The following INTS6L variants were observed in gnomAD, a reference collection of about 807,000 sequenced individuals.
INTS6L encodes integrator complex subunit 6 like, also known as integrator complex subunit 6-like.
Under a neutral mutation model 64.7 loss-of-function variants are expected in INTS6L, and 18 were observed. The observed-to-expected ratio is 0.28, with a 90% CI of 0.19 to 0.41. The LOEUF (loss-of-function observed/expected upper bound fraction) is 0.41. INTS6L is among the 10% of genes least tolerant of loss of function. INTS6L has a pLI of 1.00. For missense variants in INTS6L, 533 were observed against 661.0 expected (o/e 0.81, Z 2.12); for synonymous variants, 227 against 235.9 (o/e 0.96, Z 0.34).
chrX:135,542,368 C>T (rs1820492242), intron 2 of INTS6L, among the ~76,000 whole-genome samples: 2 of 109,997 alleles, frequency 1.8e-5, no homozygotes, highest in Admixed American at 1.9e-4. Context: ...CATGGTGGCA[C>T]ACGCTTGTAG....
intron 9 of INTS6L, among the ~76,000 whole-genome samples, chrX:135,566,865 G>C (rs782743623): frequency 9.0e-6 from 1 of 111,724 alleles, no homozygotes; most frequent in South Asian, 3.7e-4. Flanking sequence ...CTGAGGACTT[G>C]TGTAAAAAAT....
chrX:135,564,244 A>G (rs186650661), intron 9 of INTS6L, among the ~76,000 whole-genome samples: 2 of 110,654 alleles, frequency 1.8e-5, no homozygotes, highest in East Asian at 5.6e-4. Flanking sequence ...GTATTTTTTT[A>G]ATTCTAAAAT....
At chrX:135,532,641 G>T (rs1373470015) in intron 2 of INTS6L, among the ~76,000 whole-genome samples, 1 of 112,236 alleles carries the variant, frequency 8.9e-6, no homozygotes, top group Non-Finnish European at 1.9e-5. Flanking sequence ...CTTTTATGGT[G>T]TCAGTTTCCT....
At chrX:135,560,546 A>G (rs1016315955) in intron 9 of INTS6L, among the ~76,000 whole-genome samples, 7 of 112,255 alleles carry the variant, frequency 6.2e-5, no homozygotes, top group Admixed American at 5.7e-4. Flanking sequence ...TTTCTTCATC[A>G]AGTTGAAGAG....
chrX:135,581,604 A>T lies in INTS6L; in HGVS notation c.2665A>T (p.Ile889Phe). 8.3e-7 allele frequency: 1 copy of T among 1,210,111 alleles called. No homozygotes were observed. Among genetic ancestry groups the T allele is most frequent in the South Asian group, 1.8e-5 (1 of 56,767 alleles). ...KINSHHLHNN[I>F]SHINSRSSC is the part of the protein sequence containing the mutation. ...AAATTCCCACCACCTTCACAACAACATTAGTCACATCAACAGCAGATCATC... is the reference window on the plus strand; with the variant it reads ...AAATTCCCACCACCTTCACAACAACTTTAGTCACATCAACAGCAGATCATC... Residue 889 changes from isoleucine to phenylalanine, a missense_variant, in exon 18 of 18, where the codon ATT becomes TTT. Coordinates refer to ENST00000639893, the MANE Select transcript of INTS6L (RefSeq NM_001351601.3).
At position 135,581,729 on chromosome X, in the gene INTS6L, G is replaced by A. The variant is rs1442552055; in HGVS notation, c.*93G>A. The A allele has an allele frequency of 6.8e-6, 5 of 730,807 alleles. No individual in the cohort carries two copies. The African/African-American group carries it at 8.8e-5, about 13-fold the overall frequency. The allele number at this position is 730,807 out of a possible 1,213,427, so 60.2% of individuals were successfully genotyped here. ...GCCTCCTGGAATGTTTGAGTCAAGG[G>A]AATTGCTTTCCAGATGCTAAGAAGC... On this transcript the variant is annotated 3_prime_UTR_variant, in exon 18 of 18. Transcript: ENST00000639893.
chrX:135,530,165 A>G (rs1184758294), intron 2 of INTS6L, among the ~76,000 whole-genome samples: 1 of 112,690 alleles, frequency 8.9e-6, no homozygotes, highest in Admixed American at 9.4e-5. Context: ...AGTGCTTGGC[A>G]TTGTAGCAAG....
intron 2 of INTS6L, 57 bp from the exon 3 acceptor site, chrX:135,545,366 C>T: frequency 8.5e-7 from 1 of 1,173,658 alleles, no homozygotes; most frequent in Non-Finnish European, 1.1e-6. Context: ...AGTGATTGTA[C>T]TTTATATATT....
intron 6 of INTS6L, among the ~76,000 whole-genome samples, chrX:135,548,047 G>GTATATATA (rs5903902): frequency 1.5e-3 from 150 of 101,391 alleles, no homozygotes; most frequent in African/African-American, 4.8e-3. Flanking sequence ...ATGTGTAAGT[G>GTATATATA]TATATATATA....
intron 9 of INTS6L, among the ~76,000 whole-genome samples, chrX:135,564,487 G>T (rs782306084): frequency 1.8e-5 from 2 of 110,674 alleles, no homozygotes; most frequent in Non-Finnish European, 3.8e-5. Context: ...AGCACTTTGG[G>T]AGGCCAAGGC....
intron 2 of INTS6L, among the ~76,000 whole-genome samples, chrX:135,525,166 G>A (rs1345422085): frequency 1.8e-5 from 2 of 112,157 alleles, no homozygotes; most frequent in African/African-American, 3.2e-5. Context: ...TGTCTTGTAT[G>A]TTTTGTTTTG....
intron 2 of INTS6L, among the ~76,000 whole-genome samples, chrX:135,529,445 A>G (rs2148569004): frequency 8.9e-6 from 1 of 111,967 alleles, no homozygotes; most frequent in East Asian, 2.8e-4. Context: ...GAGGGCTCCT[A>G]GGATTCTTAC....
At chrX:135,572,420 A>G (rs936912894) in intron 11 of INTS6L, 24 of 117,510 alleles carry the variant, frequency 2.0e-4, no homozygotes, top group Admixed American at 3.6e-4. Context: ...ATGTGATCTG[A>G]ATTTTAGTAC....
chrX:135,575,507 T>C (rs1373679789), intron 14 of INTS6L, among the ~76,000 whole-genome samples: 1 of 111,869 alleles, frequency 8.9e-6, no homozygotes, highest in Non-Finnish European at 1.9e-5. Flanking sequence ...GTTTGTCCTT[T>C]AAAAGGGAGA....
At chrX:135,523,368 C>T (rs1042779230) in intron 2 of INTS6L, among the ~76,000 whole-genome samples, 6 of 97,112 alleles carry the variant, frequency 6.2e-5, no homozygotes. Context: ...TGCCACTGCA[C>T]TCCAGCCTGG....
chrX:135,551,873 G>T (rs782565900), intron 7 of INTS6L, 121 bp from the exon 8 acceptor site: 6 of 633,372 alleles, frequency 9.5e-6, no homozygotes, highest in Non-Finnish European at 1.3e-5. Context: ...TTCTCAAAAT[G>T]CTAGTCTGTA....
At chrX:135,573,694 A>G (rs782545159) in intron 12 of INTS6L, among the ~76,000 whole-genome samples, 7 of 112,360 alleles carry the variant, frequency 6.2e-5, no homozygotes, top group African/African-American at 2.3e-4. Context: ...ACAGGTATCA[A>G]TCTCGGGATT....
chrX:135,525,434 G>A (rs2085707017), intron 2 of INTS6L, among the ~76,000 whole-genome samples: 1 of 112,141 alleles, frequency 8.9e-6, no homozygotes, highest in Non-Finnish European at 1.9e-5. Flanking sequence ...TTATAAATAG[G>A]AAATGATAAT....
intron 8 of INTS6L, among the ~76,000 whole-genome samples, chrX:135,553,327 C>T (rs1259912166): frequency 9.1e-5 from 10 of 109,367 alleles, no homozygotes; most frequent in African/African-American, 2.3e-4. Flanking sequence ...GAGACAGCGT[C>T]CAGCCTGTTG....
Sources: gnomAD v4.1 joint callset for allele counts (sites outside exome capture counted in the v4.1 genomes callset) on GRCh38, gnomAD v4.1.1 for gene constraint, MANE v1.5 for transcripts, NCBI Gene and HGNC (gene_info 2026-07-23, HGNC 2026-07-21) for gene names.